Variants in GPR83 observed in about 807,000 individuals in gnomAD.
The protein encoded by GPR83 is G-protein coupled receptor 72.
A neutral mutation model predicts 28.0 loss-of-function variants in GPR83; 23 were observed. The observed-to-expected ratio is 0.82, with a 90% CI of 0.59 to 1.16. The LOEUF (loss-of-function observed/expected upper bound fraction) is 1.16. GPR83 is among the 50% of genes most tolerant of loss of function. The probability of loss-of-function intolerance (pLI) is 0.00; values close to 1 mark genes in which losing one functional copy is unlikely to be tolerated. For synonymous variants in GPR83, 234 were observed against 215.4 expected (o/e 1.09, Z -0.76); for missense variants, 610 against 536.6 (o/e 1.14, Z -1.35).
chr11:94,384,345 G>C (rs1056795855), intron 3 of GPR83, among the ~76,000 whole-genome samples: 1 of 152,142 alleles, frequency 6.6e-6, no homozygotes, highest in Non-Finnish European at 1.5e-5. Context: ...AAAGTAATAA[G>C]AACTATTTAT....
intron 3 of GPR83, among the ~76,000 whole-genome samples, chr11:94,387,037 TCAACTA>T (rs1944764720): frequency 6.6e-6 from 1 of 152,038 alleles, no homozygotes; most frequent in African/African-American, 2.4e-5. Context: ...TCAAAACCGC[TCAACTA>T]CATGGAAATT....
At chr11:94,396,101 T>C (rs35444165) in intron 2 of GPR83, among the ~76,000 whole-genome samples, 1,590 of 152,232 alleles carry the variant, frequency 0.01, 13 homozygotes, top group Middle Eastern at 0.051. Flanking sequence ...GCACCTGTAA[T>C]CCCAGCTACT....
At chr11:94,390,378 C>A (rs113715508) in intron 3 of GPR83, among the ~76,000 whole-genome samples, 1 of 151,418 alleles carries the variant, frequency 6.6e-6, no homozygotes, top group Non-Finnish European at 1.5e-5. Flanking sequence ...AATGAGTGAA[C>A]AAAAACTGGA....
Position 94,396,535 on chromosome 11 carries a change from GC to G in GPR83, c.388-12del, listed in dbSNP as rs1565188537. On this transcript the variant is annotated splice_polypyrimidine_tract_variant and intron_variant, in intron 1 of 3. Coordinates refer to ENST00000243673, the MANE Select transcript of GPR83 (RefSeq NM_016540.4). The stretch of plus-strand genomic sequence containing the variant: ...GTTCACAAAGCGAACCTGGAGATGA[GC>G]CCAAAGATGTTAGGAGACAGACAGG... The G allele has an allele frequency of 6.2e-7, 1 of 1,612,766 alleles. No homozygotes were observed. The highest frequency in any genetic ancestry group is 1.3e-5 in the African/African-American group (1 of 74,894).
intron 3 of GPR83, among the ~76,000 whole-genome samples, chr11:94,387,540 C>T (rs181536533): frequency 0.016 from 2,373 of 152,284 alleles, 23 homozygotes; most frequent in Middle Eastern, 0.034. Flanking sequence ...TCAGAGAATA[C>T]TATAAACACC....
intron 3 of GPR83, among the ~76,000 whole-genome samples, chr11:94,390,820 C>T (rs980007747): frequency 6.6e-6 from 1 of 152,032 alleles, no homozygotes; most frequent in African/African-American, 2.4e-5. Context: ...AACAAAATAA[C>T]AGAAGACACA....
Position 94,401,376 on chromosome 11 carries a change from C to T in GPR83, c.-129G>A, listed in dbSNP as rs1446456917. 7 of 884,360 alleles carry T rather than the reference C, an allele frequency of 7.9e-6. No homozygotes were observed. Among genetic ancestry groups the T allele is most frequent in the Non-Finnish European group, 1.1e-5 (7 of 629,124 alleles). 54.8% of individuals were successfully genotyped at this position (884,360 alleles called of 1,614,324 possible). Reference sequence around the variant, plus strand: ...GTCCCGAGGAGCCAGGGAGCCCGGACGCGCGGAGCACCGCGCCGCCCGCCA... The same window carrying T: ...GTCCCGAGGAGCCAGGGAGCCCGGATGCGCGGAGCACCGCGCCGCCCGCCA... On this transcript the variant is annotated 5_prime_UTR_variant, in exon 1 of 4. Transcript: ENST00000243673.
chr11:94,401,399 C>CGGAG lies in GPR83; in HGVS notation c.-153_-152insCTCC. 3.2e-6 allele frequency: 2 copies of CGGAG among 629,832 alleles called. No homozygotes were observed. Among genetic ancestry groups the CGGAG allele is most frequent in the Non-Finnish European group, 4.9e-6 (2 of 405,616 alleles). 39.0% of individuals were successfully genotyped at this position (629,832 alleles called of 1,614,324 possible). Reference sequence around the variant, plus strand: ...GACGCGCGGAGCACCGCGCCGCCCGCCACCAGCCCGCGGTCGGCACGCCAG... The same window carrying CGGAG: ...GACGCGCGGAGCACCGCGCCGCCCGCGGAGCACCAGCCCGCGGTCGGCACGCCAG... On this transcript the variant is annotated 5_prime_UTR_variant, in exon 1 of 4. Coordinates refer to ENST00000243673, the MANE Select transcript of GPR83 (RefSeq NM_016540.4).
intron 2 of GPR83, 117 bp downstream of exon 2, chr11:94,396,279 TAAG>T (rs1944865530): frequency 1.1e-6 from 1 of 908,616 alleles, no homozygotes; most frequent in African/African-American, 1.6e-5. Context: ...TGTTGATCAA[TAAG>T]AAGAGAAACA....
intron 3 of GPR83, among the ~76,000 whole-genome samples, chr11:94,387,452 G>C (rs1944771445): frequency 6.6e-6 from 1 of 152,088 alleles, no homozygotes. Context: ...AAGAAGAAAA[G>C]AGAGAAGAAT....
At chr11:94,384,979 G>A (rs1783308358) in intron 3 of GPR83, among the ~76,000 whole-genome samples, 1 of 152,180 alleles carries the variant, frequency 6.6e-6, no homozygotes, top group African/African-American at 2.4e-5. Context: ...CACATGGCCA[G>A]GTACTCCTCT....
intron 1 of GPR83, among the ~76,000 whole-genome samples, chr11:94,399,600 A>C (rs1944893411): frequency 6.6e-6 from 1 of 152,222 alleles, no homozygotes; most frequent in Admixed American, 6.5e-5. Context: ...TTTCAATATA[A>C]GATTTGGAAG....
At chr11:94,400,452 G>A (rs58623923) in intron 1 of GPR83, among the ~76,000 whole-genome samples, 4,996 of 148,588 alleles carry the variant, frequency 0.034, 307 homozygotes, top group African/African-American at 0.12. Flanking sequence ...GGAGAGGAGA[G>A]AGAATAGAAA....
In GPR83 at chr11:94,401,244, C is replaced by A. The variant is rs749954985; in HGVS notation, c.4G>T (p.Val2Phe). The stretch of plus-strand genomic sequence containing the variant: ...AGACAGAGCAGCAAGAGGTGAGGGA[C>A]CATTTTGCAGGAGCCACCCCTCCCC... M[V>F]PHLLLLCLLP... The change falls in exon 1 of 4, where the codon GTC becomes TTC. Residue 2 changes from valine to phenylalanine, a missense_variant. Physicochemically the swap from Val to Phe is conservative, Grantham distance 50. Transcript: ENST00000243673. The A allele has an allele frequency of 3.1e-6, 5 of 1,597,518 alleles. No homozygotes were observed. The South Asian group carries it at 4.4e-5, about 14-fold the overall frequency.
rs755895172 is a variant in GPR83, at chr11:94,380,138, C to A, written c.*11G>T. 4.7e-6 allele frequency: 7 copies of A among 1,505,134 alleles called. No homozygotes were observed. The highest frequency in any genetic ancestry group is 6.2e-6 in the Non-Finnish European group (7 of 1,127,116). 93.2% of individuals were successfully genotyped at this position (1,505,134 alleles called of 1,614,324 possible). A position where few individuals can be genotyped will look rare whatever the true frequency, so the allele number is the denominator to read the frequency against. On this transcript the variant is annotated 3_prime_UTR_variant, in exon 4 of 4. Transcript: ENST00000243673. ...AGACAGACCCCTCCCACTCCCTCTT[C>A]CCAACCTCTTCTAACTCATCGTCAC...
At chr11:94,397,158 G>A (rs1944874239) in intron 1 of GPR83, among the ~76,000 whole-genome samples, 1 of 152,194 alleles carries the variant, frequency 6.6e-6, no homozygotes, top group Non-Finnish European at 1.5e-5. Flanking sequence ...AGGACACCCA[G>A]GGACCTGGAG....
At chr11:94,386,314 C>T (rs532899246) in intron 3 of GPR83, among the ~76,000 whole-genome samples, 3 of 152,262 alleles carry the variant, frequency 2.0e-5, no homozygotes, top group Admixed American at 2.0e-4. Flanking sequence ...AGCCAGCTAA[C>T]ATCATAATGA....
At chr11:94,398,126 C>T (rs1944882549) in intron 1 of GPR83, among the ~76,000 whole-genome samples, 1 of 152,186 alleles carries the variant, frequency 6.6e-6, no homozygotes, top group African/African-American at 2.4e-5. Flanking sequence ...CCCATTATCT[C>T]TCCCTTGGAC....
intron 3 of GPR83, among the ~76,000 whole-genome samples, chr11:94,385,455 G>C (rs1403787813): frequency 6.6e-6 from 1 of 152,122 alleles, no homozygotes; most frequent in Non-Finnish European, 1.5e-5. Flanking sequence ...CTTGAAAAAA[G>C]ATTAGACTAA....
Sources: allele counts gnomAD v4.1 joint callset (sites outside exome capture counted in the v4.1 genomes callset), GRCh38; gene constraint gnomAD v4.1.1; transcripts MANE v1.5; gene names NCBI Gene and HGNC (gene_info 2026-07-23, HGNC 2026-07-21).